Variants in CIITA observed in about 807,000 individuals in gnomAD.
CIITA encodes the protein class II major histocompatibility complex transactivator.
CIITA carries 72 observed loss-of-function variants against 115.1 expected under a neutral mutation model. The ratio of observed to expected loss-of-function variants is 0.63; its 90% confidence interval spans 0.52 to 0.76. The LOEUF (loss-of-function observed/expected upper bound fraction) is 0.76. Ranked by LOEUF, CIITA falls within the 30% of genes least tolerant of loss-of-function variation. The pLI is 0.00. For missense variants in CIITA, 1,617 were observed against 1,463.8 expected, an observed-to-expected ratio of 1.10 and a Z score of -1.71; for synonymous variants, 763 against 635.6, an observed-to-expected ratio of 1.20 and a Z score of -3.02.
In CIITA at chr16:10,929,641, C is replaced by T; in HGVS notation, c.*5786C>T. 1.1e-6 allele frequency: 1 copy of T among 892,720 alleles called. No individual in the cohort carries two copies. The highest frequency in any genetic ancestry group is 1.3e-6 in the Non-Finnish European group (1 of 745,382). The allele number at this position is 892,720 out of a possible 1,614,324, so 55.3% of individuals were successfully genotyped here. A position where few individuals can be genotyped will look rare whatever the true frequency, so the allele number is the denominator to read the frequency against. On this transcript the variant is annotated 3_prime_UTR_variant, in exon 20 of 20. Coordinates refer to ENST00000324288, the MANE Select transcript of CIITA (RefSeq NM_000246.4). This position sits in a 1 kb window ranked among gnomAD's most constrained non-coding sequence, Gnocchi z 4.3. ...TTGGCTGGGGACAGGGACCAATCCA[C>T]CAGGCTCGGGAGGCTTGGGGTGGGG...
At chr16:10,898,790 C>T (rs936354555) in intron 4 of CIITA, 58 bp downstream of exon 4, 16 of 1,607,640 alleles carry the variant, frequency 1.0e-5, no homozygotes, top group Non-Finnish European at 1.3e-5. Context: ...GCCTTGTTCC[C>T]TGGGGGGTGC....
At chr16:10,866,420 T>G in intron 1 of CIITA, 1 of 566,238 alleles carries the variant, frequency 1.8e-6, no homozygotes, top group African/African-American at 1.9e-5. Context: ...CACTGCACTC[T>G]GCTCCATGAG....
chr16:10,907,164 A>C lies in CIITA; in HGVS notation c.1672A>C (p.Ser558Arg), dbSNP rs776267833. Residue 558 changes from serine to arginine, a missense_variant, in exon 11 of 20, where the codon AGC becomes CGC. Coordinates refer to ENST00000324288, the MANE Select transcript of CIITA (RefSeq NM_000246.4). This position sits in a 1 kb window ranked among gnomAD's most constrained non-coding sequence, Gnocchi z 5.0. The stretch of plus-strand genomic sequence containing the variant: ...CCGGGGCCGCCTGGTCCAGAGCCTG[A>C]GCAAGGCCGACGCCCTATTTGAGCT... The part of the protein sequence containing the change: ...RPRGRLVQSL[S>R]KADALFELSG... The C allele has an allele frequency of 6.2e-7, 1 of 1,612,892 alleles. No homozygotes were observed. Among genetic ancestry groups the C allele is most frequent in the South Asian group, 1.1e-5 (1 of 91,054 alleles).
chr16:10,897,954 A>C (rs1027421444), intron 3 of CIITA, among the ~76,000 whole-genome samples: 1 of 152,096 alleles, frequency 6.6e-6, no homozygotes, highest in African/African-American at 2.4e-5. Context: ...CCTATCTCTC[A>C]GGGTTTCCTA....
intron 3 of CIITA, 48 bp downstream of exon 3, chr16:10,895,812 C>A (rs746040393): frequency 5.1e-6 from 8 of 1,572,624 alleles, no homozygotes; most frequent in Non-Finnish European, 7.0e-6. Flanking sequence ...GGCAAGAGTT[C>A]TTTGCTGCCA....
chr16:10,882,187 C>T (rs749816377), intron 1 of CIITA, among the ~76,000 whole-genome samples: 14 of 152,248 alleles, frequency 9.2e-5, no homozygotes, highest in Admixed American at 2.6e-4. Context: ...CTTTTAAAAT[C>T]GGTCTATTTA....
chr16:10,890,372 A>G (rs1383069816), intron 1 of CIITA, among the ~76,000 whole-genome samples: 2 of 149,298 alleles, frequency 1.3e-5, no homozygotes, highest in African/African-American at 5.0e-5. Flanking sequence ...CAGCCTTGAC[A>G]CCTCCCCAGG....
chr16:10,905,591 T>G (rs961147693), intron 10 of CIITA, among the ~76,000 whole-genome samples: 3 of 151,634 alleles, frequency 2.0e-5, no homozygotes, highest in Non-Finnish European at 2.9e-5. Flanking sequence ...TGAAACCCCG[T>G]CTCCATTAAA....
upstream of CIITA, among the ~76,000 whole-genome samples, chr16:10,874,800 A>G (rs543821763): frequency 1.3e-5 from 2 of 152,170 alleles, no homozygotes; most frequent in South Asian, 4.2e-4. Flanking sequence ...CTAAGTTCCA[A>G]AGCTGCCTTG....
At chr16:10,872,833 G>C (rs2035577959), upstream of CIITA, among the ~76,000 whole-genome samples, 1 of 152,168 alleles carries the variant, frequency 6.6e-6, no homozygotes, top group Non-Finnish European at 1.5e-5. Context: ...TCACCAAAAA[G>C]CATGAGATGA....
intron 1 of CIITA, among the ~76,000 whole-genome samples, chr16:10,885,281 T>C (rs1374563098): frequency 2.6e-5 from 4 of 152,088 alleles, no homozygotes; most frequent in Non-Finnish European, 2.9e-5. Flanking sequence ...TAGCAATATC[T>C]CCAGACCTCT....
At chr16:10,892,990 G>A (rs2037749392) in intron 1 of CIITA, among the ~76,000 whole-genome samples, 1 of 152,166 alleles carries the variant, frequency 6.6e-6, no homozygotes, top group Admixed American at 6.5e-5. Context: ...GATTATCTAG[G>A]TGGGTCCTAA....
intron 1 of CIITA, among the ~76,000 whole-genome samples, chr16:10,880,432 C>A (rs778860667): frequency 6.6e-6 from 1 of 152,230 alleles, no homozygotes; most frequent in Non-Finnish European, 1.5e-5. Context: ...TCTTTACTCT[C>A]TCCCTGTTAC....
intron 12 of CIITA, 108 bp from the exon 13 acceptor site, chr16:10,910,080 C>A (rs2144796883): frequency 1.1e-6 from 1 of 886,378 alleles, no homozygotes; most frequent in Non-Finnish European, 1.8e-6. Context: ...CCAAGGAAAG[C>A]AATCCCCCTG....
Position 10,908,074 on chromosome 16 carries a change from T to A in CIITA, c.2582T>A (p.Leu861Gln). 1 of 1,611,696 alleles carries A rather than the reference T, an allele frequency of 6.2e-7. No homozygotes were observed. The highest frequency in any genetic ancestry group is 8.5e-7 in the Non-Finnish European group (1 of 1,178,980). Residue 861 changes from leucine to glutamine, a missense_variant, in exon 11 of 20, where the codon CTG becomes CAG. Transcript: ENST00000324288. Reference protein sequence around the residue: ...ALEAAGQDFSLDLRSTGICPS... With the variant: ...ALEAAGQDFSQDLRSTGICPS... ...GAGGCGGCGGGCCAAGACTTCTCCC[T>A]GGACCTCCGCAGCACTGGCATTTGC...
intron 1 of CIITA, among the ~76,000 whole-genome samples, chr16:10,868,289 C>T (rs558532167): frequency 2.7e-5 from 4 of 148,452 alleles, no homozygotes; most frequent in Non-Finnish European, 5.9e-5. Flanking sequence ...TTGCCCAGGT[C>T]CCCCAGGTGG....
Position 10,907,108 on chromosome 16 carries a change from G to C in CIITA, c.1616G>C (p.Arg539Pro). 1 of 1,610,596 alleles carries C rather than the reference G, an allele frequency of 6.2e-7. No homozygotes were observed. Among genetic ancestry groups the C allele is most frequent in the South Asian group, 1.1e-5 (1 of 91,064 alleles). Residue 539 changes from arginine (R) to proline (P), a missense_variant, in exon 11 of 20, where the codon CGA (arginine) becomes CCA (proline). Transcript: ENST00000324288. This position sits in a 1 kb window ranked among gnomAD's most constrained non-coding sequence, Gnocchi z 5.0. Reference protein sequence around the residue: ...LAGLFQKKLLRGCTLLLTARP... With the variant: ...LAGLFQKKLLPGCTLLLTARP... ...GGCCTTTTCCAGAAGAAGCTGCTCC[G>C]AGGTTGCACCCTCCTCCTCACAGCC... is the stretch of plus-strand genomic sequence containing the variant.
intron 13 of CIITA, among the ~76,000 whole-genome samples, chr16:10,912,483 A>T (rs1031723272): frequency 1.3e-5 from 2 of 152,170 alleles, no homozygotes; most frequent in African/African-American, 4.8e-5. Context: ...GACAGTCATC[A>T]TCTTCCCCAT....
In CIITA at chr16:10,941,704, C is replaced by T; in HGVS notation, n.830C>T. 1.3e-6 allele frequency: 2 copies of T among 1,594,338 alleles called. No homozygotes were observed. The highest frequency in any genetic ancestry group is 2.3e-5 in the South Asian group (2 of 87,930). On this transcript the variant is annotated non_coding_transcript_exon_variant, in exon 2 of 2. Coordinates refer to the CIITA transcript ENST00000573379. This position sits in a 1 kb window ranked among gnomAD's most constrained non-coding sequence, Gnocchi z 6.4. ...GCGGATCGTGTAGGGAAGAGGGGAA[C>T]AGCAGTCGAGACCCTACTCCAAGTA...
Sources: allele counts gnomAD v4.1 joint callset (sites outside exome capture counted in the v4.1 genomes callset), GRCh38; gene constraint gnomAD v4.1.1; non-coding constraint Gnocchi (gnomAD v3.1); transcripts MANE v1.5; gene names NCBI Gene and HGNC (gene_info 2026-07-23, HGNC 2026-07-21).